The following ARHGEF4 variants were observed in gnomAD, a reference collection of about 807,000 sequenced individuals.
ARHGEF4 encodes Rho guanine nucleotide exchange factor 4, also known as APC-stimulated guanine nucleotide exchange factor 1.
A neutral mutation model predicts 162.0 loss-of-function variants in ARHGEF4; 119 were observed. The ratio of observed to expected loss-of-function variants is 0.73; its 90% CI spans 0.63 to 0.86. The LOEUF is 0.86. ARHGEF4 is among the 40% of genes least tolerant of loss of function. ARHGEF4 has a pLI of 0.00. For synonymous variants in ARHGEF4, 1,014 were observed against 979.9 expected, an observed-to-expected ratio of 1.03 and a Z score of -0.65; for missense variants, 2,488 against 2,456.0, an observed-to-expected ratio of 1.01 and a Z score of -0.28.
chr2:130,911,111 G>C (rs981962459), intron 1 of ARHGEF4, among the ~76,000 whole-genome samples: 4 of 152,162 alleles, frequency 2.6e-5, no homozygotes, highest in Non-Finnish European at 4.4e-5. Context: ...TCGGGGCAGC[G>C]GGCAGGGAAG....
chr2:131,039,278 A>G, intron 6 of ARHGEF4: 1 of 1,278,950 alleles, frequency 7.8e-7, no homozygotes, highest in Non-Finnish European at 1.0e-6. Flanking sequence ...TGCAGACACT[A>G]GGCACCCCTC....
chr2:130,903,294 C>G (rs997605700), intron 1 of ARHGEF4, among the ~76,000 whole-genome samples: 6 of 150,396 alleles, frequency 4.0e-5, no homozygotes, highest in South Asian at 4.2e-4. Flanking sequence ...CAGAGTCTCG[C>G]TGTCACCAGG....
In ARHGEF4 at chr2:131,045,254, T is replaced by A. The variant is rs1573718846; in HGVS notation, c.5402-115T>A. 22 of 1,009,612 alleles carry A rather than the reference T, an allele frequency of 2.2e-5. No homozygotes were observed. The South Asian group carries it at 3.4e-4, about 15-fold the overall frequency. The allele number at this position is 1,009,612 out of a possible 1,614,324, so 62.5% of individuals were successfully genotyped here. A position where few individuals can be genotyped will look rare whatever the true frequency, so the allele number is the denominator to read the frequency against. ...GGGCAACAGTCCCCGCTGTGGCCAG[T>A]ACTGAGTCCCCAGTACATGATGAGA... On this transcript the variant is annotated intron_variant, in intron 12 of 13. Transcript: ENST00000409359.
chr2:130,911,303 G>A (rs1017770961), intron 1 of ARHGEF4, among the ~76,000 whole-genome samples: 2 of 152,100 alleles, frequency 1.3e-5, no homozygotes, highest in East Asian at 1.9e-4. Flanking sequence ...TAAGACAGTT[G>A]GGAAGTGCCA....
rs1281845601 is a variant in ARHGEF4 at position 130,916,052 on chromosome 2, G to A, written c.2106G>A (p.Gly702=). 3.2e-6 allele frequency: 5 copies of A among 1,550,256 alleles called. No individual in the cohort carries two copies. Among genetic ancestry groups the A allele is most frequent in the Non-Finnish European group, 4.4e-6 (5 of 1,146,906 alleles). The stretch of plus-strand genomic sequence containing the variant: ...CCCCCATACAGGGAGCTGGCGATGG[G>A]GCTCTTCAGCGGGTGGCCCAGGCCG... ...PAAPIQGAGD[G]ALQRVAQAAE... Residue 702 remains glycine, a synonymous_variant, in exon 2 of 14, where the codon GGG becomes GGA. Coordinates refer to ENST00000409359, the MANE Select transcript of ARHGEF4 (RefSeq NM_001367493.1).
At chr2:130,979,060 G>GT (rs886566374) in intron 4 of ARHGEF4, among the ~76,000 whole-genome samples, 84 of 152,070 alleles carry the variant, frequency 5.5e-4, no homozygotes, top group Non-Finnish European at 2.9e-4. Context: ...TTCTAAGCCA[G>GT]TTTTTTTTGA....
chr2:130,870,461 G>C (rs1678389268), intron 1 of ARHGEF4, among the ~76,000 whole-genome samples: 1 of 152,208 alleles, frequency 6.6e-6, no homozygotes, highest in South Asian at 2.1e-4. Flanking sequence ...CCCAGGAGAG[G>C]GGGCAGGAAG....
intron 4 of ARHGEF4, among the ~76,000 whole-genome samples, chr2:130,999,808 T>C (rs1687653210): frequency 6.6e-6 from 1 of 152,358 alleles, no homozygotes; most frequent in African/African-American, 2.4e-5. Flanking sequence ...GTTCAAGCGA[T>C]TCCCCTGCCT....
At position 131,045,999 on chromosome 2, in the gene ARHGEF4, C is replaced by T. The variant is rs142487292; in HGVS notation, c.5480-39C>T. Reference sequence around the variant, plus strand: ...CCAACAGCTGGGGTGGCACTCTGCCCTGGGCACCCATGACCCTCTGCTGTC... The same window carrying T: ...CCAACAGCTGGGGTGGCACTCTGCCTTGGGCACCCATGACCCTCTGCTGTC... On this transcript the variant is annotated intron_variant, in intron 13 of 13. Coordinates refer to ENST00000409359, the MANE Select transcript of ARHGEF4 (RefSeq NM_001367493.1). 6.0e-4 allele frequency: 953 copies of T among 1,585,824 alleles called. 2 individuals carry two copies. Among genetic ancestry groups the T allele is most frequent in the Non-Finnish European group, 7.8e-4 (906 of 1,161,780 alleles).
At chr2:130,982,233 A>G (rs1004965728) in intron 4 of ARHGEF4, among the ~76,000 whole-genome samples, 4 of 152,052 alleles carry the variant, frequency 2.6e-5, no homozygotes, top group African/African-American at 9.7e-5. Context: ...TCCTGACCTC[A>G]GGTGCCTCAG....
At position 130,945,092 on chromosome 2, in the gene ARHGEF4, T is replaced by C. The variant is rs1040318548; in HGVS notation, c.3859-1417T>C. On this transcript the variant is annotated intron_variant, in intron 3 of 13. Coordinates refer to ENST00000409359, the MANE Select transcript of ARHGEF4 (RefSeq NM_001367493.1). ...CCCCATGGTTCAGTTCCCAAAAGAC[T>C]CTTATATGCTGTTCAGGGTCAGATC... is the stretch of plus-strand genomic sequence containing the variant. Among the ~76,000 whole-genome samples the C allele has an allele frequency of 3.9e-5, 6 of 152,106 alleles. No individual in the cohort carries two copies. In the South Asian group the frequency reaches 8.3e-4, roughly 21 times the overall value.
intron 5 of ARHGEF4, among the ~76,000 whole-genome samples, chr2:131,033,153 C>T (rs1026091647): frequency 6.6e-6 from 1 of 152,188 alleles, no homozygotes; most frequent in Admixed American, 6.5e-5. Flanking sequence ...CACACCCTGT[C>T]TGCCTTCAAG....
At position 130,916,363 on chromosome 2, in the gene ARHGEF4, T is replaced by G; in HGVS notation, c.2417T>G (p.Leu806Trp). The G allele has an allele frequency of 4.5e-6, 7 of 1,541,430 alleles. No individual in the cohort carries two copies. Among genetic ancestry groups the G allele is most frequent in the Non-Finnish European group, 6.1e-6 (7 of 1,145,296 alleles). ...KVTSFRKGRP[L>W]ATESPGGVPA... ...ACCTCCTTCAGGAAGGGCAGGCCCTTGGCCACTGAGAGCCCAGGAGGGGTC... is the reference window on the plus strand; with the variant it reads ...ACCTCCTTCAGGAAGGGCAGGCCCTGGGCCACTGAGAGCCCAGGAGGGGTC... The change falls in exon 2 of 14, where the codon TTG (leucine) becomes TGG (tryptophan). Residue 806 changes from leucine (L) to tryptophan (W), a missense_variant. Transcript: ENST00000409359.
chr2:130,972,631 T>G (rs1285763458), intron 4 of ARHGEF4, among the ~76,000 whole-genome samples: 2 of 152,214 alleles, frequency 1.3e-5, no homozygotes, highest in Non-Finnish European at 2.9e-5. Flanking sequence ...CAGACTTCTT[T>G]GTTGAAGAAG....
intron 4 of ARHGEF4, among the ~76,000 whole-genome samples, chr2:130,978,895 G>C (rs957249579): frequency 2.6e-5 from 4 of 152,140 alleles, no homozygotes; most frequent in African/African-American, 9.7e-5. Context: ...TTCATATTGG[G>C]TTAGCAATCT....
chr2:131,041,514 T>C (rs111383059), intron 9 of ARHGEF4, 52 bp downstream of exon 9: 9 of 1,544,566 alleles, frequency 5.8e-6, no homozygotes, highest in African/African-American at 2.7e-5. Flanking sequence ...ATGCCTCCAG[T>C]CAGCCAGTTT....
chr2:131,029,379 C>T (rs939756934), intron 5 of ARHGEF4, among the ~76,000 whole-genome samples: 5 of 151,854 alleles, frequency 3.3e-5, no homozygotes, highest in Non-Finnish European at 5.9e-5. Flanking sequence ...ATAAAACAGT[C>T]GTTAAATAAT....
At chr2:131,034,886 G>C (rs1690123720) in intron 5 of ARHGEF4, 1 of 766,558 alleles carries the variant, frequency 1.3e-6, no homozygotes. Context: ...CGCCGCCGCC[G>C]CCGCCCCCGC....
chr2:131,043,278 G>A (rs563745717), intron 10 of ARHGEF4, among the ~76,000 whole-genome samples, 174 bp from the exon 11 acceptor site: 1 of 152,296 alleles, frequency 6.6e-6, no homozygotes, highest in African/African-American at 2.4e-5. Flanking sequence ...TGCAAGGACA[G>A]CCAACTCACA....
Sources: gnomAD v4.1 joint callset for allele counts (sites outside exome capture counted in the v4.1 genomes callset) on GRCh38, gnomAD v4.1.1 for gene constraint, MANE v1.5 for transcripts, NCBI Gene and HGNC (gene_info 2026-07-23, HGNC 2026-07-21) for gene names.